The following PRKAG1 variants were observed in gnomAD, a reference collection of about 807,000 sequenced individuals.
PRKAG1 encodes the protein protein kinase AMP-activated non-catalytic subunit gamma 1.
A neutral mutation model predicts 48.2 loss-of-function variants in PRKAG1; 27 were observed. The ratio of observed to expected loss-of-function variants is 0.56; its 90% confidence interval spans 0.41 to 0.77. PRKAG1 has a LOEUF of 0.77. Ranked by LOEUF, PRKAG1 falls within the 30% of genes least tolerant of loss-of-function variation. PRKAG1 has a pLI of 0.00. For synonymous variants in PRKAG1, 130 were observed against 147.7 expected (o/e 0.88, Z 0.87); for missense variants, 287 against 398.3 (o/e 0.72, Z 2.38).
chr12:49,007,931 G>A (rs989153924), intron 2 of PRKAG1, among the ~76,000 whole-genome samples: 1 of 151,070 alleles, frequency 6.6e-6, no homozygotes, highest in African/African-American at 2.4e-5. Flanking sequence ...ACGATCTCAG[G>A]TTACTACAAC....
In PRKAG1 at chr12:49,005,761, T is replaced by C; in HGVS notation, c.150A>G (p.Val50=). ...CACCCACCTGCAGGGACGTATCAAA[T>C]ACAACCAATTTGGAGCTTGTGGGAA... ...DLIPTSSKLV[V]FDTSLQVKKA... is the part of the protein sequence containing the mutation. The change falls in exon 3 of 12, where the codon GTA becomes GTG. Residue 50 remains valine, a synonymous_variant. Coordinates refer to ENST00000548065, the MANE Select transcript of PRKAG1 (RefSeq NM_002733.5). The surrounding 1 kb of genome is among the most constrained non-coding windows in gnomAD (Gnocchi z 4.1). The C allele has an allele frequency of 1.2e-6, 2 of 1,613,962 alleles. No homozygotes were observed. Among genetic ancestry groups the C allele is most frequent in the Non-Finnish European group, 1.7e-6 (2 of 1,179,858 alleles).
At chr12:49,013,975 C>G (rs1027625481) in intron 1 of PRKAG1, among the ~76,000 whole-genome samples, 1 of 152,082 alleles carries the variant, frequency 6.6e-6, no homozygotes. Flanking sequence ...ACTGCCTCCT[C>G]CTGGGTTCAA....
chr12:49,005,286 A>G lies in PRKAG1; in HGVS notation c.309+20T>C. On this transcript the variant is annotated intron_variant, in intron 5 of 11. Coordinates refer to ENST00000548065, the MANE Select transcript of PRKAG1 (RefSeq NM_002733.5). This position sits in a 1 kb window ranked among gnomAD's most constrained non-coding sequence, Gnocchi z 4.1. ...TAGGGCAGGGAAAGTGATTTTGGTC[A>G]TTGGGTTAAGGTTCCTTACCAAGGC... The G allele has an allele frequency of 6.2e-7, 1 of 1,614,020 alleles. No individual in the cohort carries two copies. The highest frequency in any genetic ancestry group is 8.5e-7 in the Non-Finnish European group (1 of 1,179,962).
At position 49,005,926 on chromosome 12, in the gene PRKAG1, A is replaced by ATTTT; in HGVS notation, c.59-75_59-74insAAAA. ...AATCAAAAGAGACAGAAAACAAAAT[A>ATTTT]GTGTTCTAGTATCTCAAATATTTAG... On this transcript the variant is annotated intron_variant, in intron 2 of 11. Transcript: ENST00000548065. This position sits in a 1 kb window ranked among gnomAD's most constrained non-coding sequence, Gnocchi z 4.1. The ATTTT allele has an allele frequency of 9.5e-7, 1 of 1,053,884 alleles. No homozygotes were observed. Among genetic ancestry groups the ATTTT allele is most frequent in the Non-Finnish European group, 1.4e-6 (1 of 714,206 alleles). The allele number at this position is 1,053,884 out of a possible 1,614,324, so 65.3% of individuals were successfully genotyped here.
intron 2 of PRKAG1, among the ~76,000 whole-genome samples, chr12:49,011,316 TCA>T (rs1941750595): frequency 6.6e-6 from 1 of 152,228 alleles, no homozygotes; most frequent in Non-Finnish European, 1.5e-5. Context: ...TTTGGCTTTC[TCA>T]GTGTTTGTTT....
intron 1 of PRKAG1, among the ~76,000 whole-genome samples, chr12:49,015,549 G>C (rs957847508): frequency 6.6e-6 from 1 of 152,178 alleles, no homozygotes; most frequent in Non-Finnish European, 1.5e-5. Flanking sequence ...CAACATAAGA[G>C]AGTCAAACAC....
At position 49,018,746 on chromosome 12, in the gene PRKAG1, G is replaced by GT. The variant is rs1565745055; in HGVS notation, c.-7_-6insA. On this transcript the variant is annotated 5_prime_UTR_variant, in exon 1 of 12. Transcript: ENST00000548065. ...GCACTCCTCACCGTCTCCATTGCAA[G>GT]AGGCGCCCGGCTTGGTTTCCTCGCT... 1 of 1,612,932 alleles carries GT rather than the reference G, an allele frequency of 6.2e-7. No homozygotes were observed. The highest frequency in any genetic ancestry group is 1.7e-5 in the Admixed American group (1 of 60,030).
chr12:49,011,461 C>T (rs1336529957), intron 2 of PRKAG1, among the ~76,000 whole-genome samples: 2 of 152,050 alleles, frequency 1.3e-5, no homozygotes, highest in Non-Finnish European at 2.9e-5. Context: ...GATCCTCCTG[C>T]CTTGGCCTCT....
intron 2 of PRKAG1, among the ~76,000 whole-genome samples, chr12:49,006,088 G>A (rs918833586): frequency 6.6e-6 from 1 of 152,088 alleles, no homozygotes; most frequent in Non-Finnish European, 1.5e-5. Context: ...GGTCCCTATA[G>A]GTAAAAGAAG....
chr12:49,014,239 T>C (rs1941879224), intron 1 of PRKAG1, among the ~76,000 whole-genome samples: 1 of 152,212 alleles, frequency 6.6e-6, no homozygotes. Context: ...TCTACCTCTC[T>C]GGAATCACAG....
chr12:49,007,148 G>A (rs1008790434), intron 2 of PRKAG1, among the ~76,000 whole-genome samples: 8 of 150,328 alleles, frequency 5.3e-5, no homozygotes, highest in Non-Finnish European at 1.2e-4. Flanking sequence ...TTAGCCAGGC[G>A]TGGTGGCACG....
At chr12:49,016,753 G>A (rs1012572887) in intron 1 of PRKAG1, 2 of 155,428 alleles carry the variant, frequency 1.3e-5, no homozygotes, top group Non-Finnish European at 2.9e-5. Context: ...TTTACTTTTC[G>A]AAGTAGCTCA....
intron 7 of PRKAG1, 152 bp from the exon 8 acceptor site, chr12:49,004,785 G>C (rs2137654667): frequency 7.4e-7 from 1 of 1,354,954 alleles, no homozygotes; most frequent in Non-Finnish European, 1.0e-6. Context: ...GAGAGAGAGA[G>C]AGAGTGAGAA....
intron 1 of PRKAG1, chr12:49,016,771 T>C (rs1941992009): frequency 2.2e-5 from 4 of 178,160 alleles, no homozygotes. Flanking sequence ...TCAGTCCATG[T>C]ACAGAAAGCT....
At chr12:49,013,660 C>CA (rs1941851961) in intron 1 of PRKAG1, among the ~76,000 whole-genome samples, 1 of 152,170 alleles carries the variant, frequency 6.6e-6, no homozygotes, top group Non-Finnish European at 1.5e-5. Flanking sequence ...CATTAAGCAA[C>CA]TTGCCCAAGG....
Position 49,004,718 on chromosome 12 carries a change from G to A in PRKAG1, c.411-85C>T. Reference sequence around the variant, plus strand: ...GTCCATACAGTGTATTGCTCAACAGGGAAAACTGATGGTTAGGGAAGGGGG... The same window carrying A: ...GTCCATACAGTGTATTGCTCAACAGAGAAAACTGATGGTTAGGGAAGGGGG... On this transcript the variant is annotated intron_variant, in intron 7 of 11. Transcript: ENST00000548065. 1.9e-6 allele frequency: 3 copies of A among 1,575,634 alleles called. No homozygotes were observed. In the South Asian group the frequency reaches 3.4e-5, roughly 18 times the overall value.
Position 49,003,808 on chromosome 12 carries a change from CCA to C in PRKAG1, c.650_651del (p.Leu217ArgfsTer16). On this transcript the variant is annotated frameshift_variant, in exon 9 of 12. Coordinates refer to ENST00000548065, the MANE Select transcript of PRKAG1 (RefSeq NM_002733.5). LOFTEE classifies it high-confidence loss of function. ...VRTTTPVYVA[L>X]GIFVQHRVSA... Reference sequence around the variant, plus strand: ...GAGACTCGATGCTGTACAAAAATCCCCAGAGCCACATAGACGGGGGTGGTAGT... The same window carrying C: ...GAGACTCGATGCTGTACAAAAATCCCGAGCCACATAGACGGGGGTGGTAGT... 1.9e-6 allele frequency: 3 copies of C among 1,614,096 alleles called. No individual in the cohort carries two copies. Among genetic ancestry groups the C allele is most frequent in the African/African-American group, 1.3e-5 (1 of 75,032 alleles).
At chr12:49,004,249 G>A (rs1463921580) in intron 8 of PRKAG1, 4 of 529,730 alleles carry the variant, frequency 7.6e-6, no homozygotes, top group East Asian at 3.4e-5. Flanking sequence ...CCATGATAGC[G>A]CCTCTGCACG....
At chr12:49,011,829 T>C (rs1157623889) in intron 2 of PRKAG1, among the ~76,000 whole-genome samples, 1 of 151,500 alleles carries the variant, frequency 6.6e-6, no homozygotes, top group Non-Finnish European at 1.5e-5. Context: ...CCCAATGTGG[T>C]GGGATTACAG....
Sources: allele counts gnomAD v4.1 joint callset (sites outside exome capture counted in the v4.1 genomes callset), GRCh38; gene constraint gnomAD v4.1.1; non-coding constraint Gnocchi (gnomAD v3.1); transcripts MANE v1.5; gene names NCBI Gene and HGNC (gene_info 2026-07-23, HGNC 2026-07-21).